Variants in VPS8 observed in about 807,000 individuals in gnomAD.
VPS8 encodes vacuolar protein sorting-associated protein 8 homolog.
VPS8 carries 129 observed loss-of-function variants against 216.4 expected under a neutral mutation model. The observed-to-expected ratio is 0.60, with a 90% confidence interval of 0.52 to 0.69. The LOEUF (loss-of-function observed/expected upper bound fraction) is 0.69. Among genes scored for constraint, VPS8 ranks in the 30% least tolerant of loss-of-function variants. VPS8 has a pLI of 0.00. For missense variants in VPS8, 1,531 were observed against 1,683.5 expected, an observed-to-expected ratio of 0.91 and a Z score of 1.59; for synonymous variants, 571 against 565.4, an observed-to-expected ratio of 1.01 and a Z score of -0.14.
At chr3:184,966,857 T>A (rs1747494537) in intron 39 of VPS8, 144 bp downstream of exon 39, 1 of 508,248 alleles carries the variant, frequency 2.0e-6, no homozygotes, top group East Asian at 3.3e-5. Context: ...TGGATCCAAA[T>A]TTTAGCTAAT....
At chr3:184,919,430 A>G (rs989165076) in intron 28 of VPS8, among the ~76,000 whole-genome samples, 10 of 152,118 alleles carry the variant, frequency 6.6e-5, no homozygotes, top group Admixed American at 6.6e-4. Flanking sequence ...CATAATCTCA[A>G]TTTCTTCATA....
At chr3:184,833,250 A>G (rs1720378105) in intron 4 of VPS8, among the ~76,000 whole-genome samples, 1 of 152,130 alleles carries the variant, frequency 6.6e-6, no homozygotes, top group South Asian at 2.1e-4. Flanking sequence ...AAAATTCAGG[A>G]AAAGGACTTC....
At chr3:184,876,358 T>G (rs909880221) in intron 21 of VPS8, among the ~76,000 whole-genome samples, 21 of 152,198 alleles carry the variant, frequency 1.4e-4, no homozygotes, top group Non-Finnish European at 1.8e-4. Context: ...AAATGCTTTT[T>G]TTTTTTTAAT....
chr3:185,010,156 GA>G (rs1450774098), intron 45 of VPS8, among the ~76,000 whole-genome samples: 2 of 151,966 alleles, frequency 1.3e-5, no homozygotes, highest in East Asian at 1.9e-4. Flanking sequence ...CAGTAGTGGG[GA>G]AAAAAATTAA....
chr3:184,972,015 G>A (rs1748500390), intron 40 of VPS8, among the ~76,000 whole-genome samples: 2 of 151,660 alleles, frequency 1.3e-5, no homozygotes, highest in Admixed American at 1.3e-4. Flanking sequence ...GGCGGAGGTT[G>A]CGTTGAGCTG....
At chr3:184,938,641 C>CTTTTTTTTTTTTTT (rs1298836777) in intron 35 of VPS8, among the ~76,000 whole-genome samples, 2 of 138,130 alleles carry the variant, frequency 1.4e-5, no homozygotes, top group African/African-American at 3.1e-5. Context: ...CTTTTCTTTT[C>CTTTTTTTTTTTTTT]TTTTTTTCTT....
intron 3 of VPS8, among the ~76,000 whole-genome samples, chr3:184,828,352 TG>T: frequency 6.6e-6 from 1 of 152,328 alleles, no homozygotes; most frequent in Non-Finnish European, 1.5e-5. Context: ...TTGGCCAGGC[TG>T]GTCTCAAACT....
At chr3:185,024,307 G>T (rs374046404) in intron 45 of VPS8, 29 bp from the exon 46 acceptor site, 3 of 1,561,486 alleles carry the variant, frequency 1.9e-6, no homozygotes, top group South Asian at 1.2e-5. Context: ...AACTGAAAGG[G>T]TATTAAAATG....
intron 21 of VPS8, among the ~76,000 whole-genome samples, chr3:184,882,855 T>C (rs1473017722): frequency 6.6e-6 from 1 of 152,150 alleles, no homozygotes; most frequent in Non-Finnish European, 1.5e-5. Context: ...AGAATTTTCA[T>C]AGTATTCCCT....
rs1270137839 is a variant in VPS8, at chr3:184,882,202, G to C, written c.1735-3908G>C. The C allele has an allele frequency of 1.2e-5, 4 of 339,934 alleles. No individual in the cohort carries two copies. The Admixed American group carries it at 1.6e-4, about 14-fold the overall frequency. 21.1% of individuals were successfully genotyped at this position (339,934 alleles called of 1,614,324 possible). ...TTCACTATGAAGTATAATATTAGCTGTAGATTTTTTGTAGTTACTTCTTAT... is the reference window on the plus strand; with the variant it reads ...TTCACTATGAAGTATAATATTAGCTCTAGATTTTTTGTAGTTACTTCTTAT... On this transcript the variant is annotated intron_variant, in intron 21 of 47. Transcript: ENST00000625842.
chr3:184,958,649 A>G (rs1032184991), intron 37 of VPS8, among the ~76,000 whole-genome samples: 2 of 152,212 alleles, frequency 1.3e-5, no homozygotes, highest in South Asian at 4.1e-4. Flanking sequence ...CTTCAGGAAA[A>G]GCAGTTTTAA....
Position 184,936,254 on chromosome 3 carries a change from G to A in VPS8, c.2907G>A (p.Val969=), listed in dbSNP as rs117320195. Residue 969 remains valine (V), a synonymous_variant, in exon 35 of 48, where the codon GTG becomes GTA. Coordinates refer to ENST00000625842, the MANE Select transcript of VPS8 (RefSeq NM_001009921.3). ...TTTTCCTTTAACTCCAGGAACTCGT[G>A]TCCCTGAAGCCTTGTAAAGCTGCGG... ...QKAMDHIEEL[V]SLKPCKAAEL... is the part of the protein sequence containing the mutation. The A allele has an allele frequency of 4.2e-4, 676 of 1,608,068 alleles. 9 individuals are homozygous for A. The East Asian group carries it at 0.015, about 35-fold the overall frequency.
chr3:184,937,554 G>A (rs181305403), intron 35 of VPS8, among the ~76,000 whole-genome samples: 3 of 152,276 alleles, frequency 2.0e-5, no homozygotes, highest in East Asian at 3.9e-4. Flanking sequence ...GTCCAGTGTT[G>A]AAAGAGCTAC....
intron 46 of VPS8, among the ~76,000 whole-genome samples, chr3:185,040,951 C>T (rs1031855500): frequency 6.6e-6 from 1 of 152,070 alleles, no homozygotes; most frequent in African/African-American, 2.4e-5. Flanking sequence ...GCCTGTAATC[C>T]CAGCACTTTG....
At chr3:184,835,588 A>T (rs77066891) in intron 5 of VPS8, among the ~76,000 whole-genome samples, 54 of 152,132 alleles carry the variant, frequency 3.5e-4, no homozygotes, top group Admixed American at 2.0e-4. Context: ...CAGATTCTGT[A>T]TATAATGATA....
chr3:185,006,612 A>G (rs1754284581), intron 45 of VPS8, among the ~76,000 whole-genome samples: 1 of 152,212 alleles, frequency 6.6e-6, no homozygotes, highest in Admixed American at 6.5e-5. Context: ...GATCGTTTCT[A>G]TTAAATTTTG....
Position 184,995,583 on chromosome 3 carries a change from A to G in VPS8, c.3667-749A>G, listed in dbSNP as rs1752508510. On this transcript the variant is annotated intron_variant, in intron 43 of 47. Coordinates refer to ENST00000625842, the MANE Select transcript of VPS8 (RefSeq NM_001009921.3). ...AAGCTGTATAACAAGGAGGGCAGGC[A>G]GTACCTAGCTCTATCTTCCCCTTCG... Among the ~76,000 whole-genome samples the G allele has an allele frequency of 2.0e-5, 3 of 152,358 alleles. No individual in the cohort carries two copies. In the South Asian group the frequency reaches 6.2e-4, roughly 32 times the overall value.
rs932158414 is a variant in VPS8 at position 184,871,099 on chromosome 3, C to T, written c.1734+294C>T. ...ACTGATACCTTATAGTGGCTGACAT[C>T]CTGCTCGTCTAATATTTATGTTAAC... On this transcript the variant is annotated intron_variant, in intron 21 of 47. Coordinates refer to ENST00000625842, the MANE Select transcript of VPS8 (RefSeq NM_001009921.3). Among the ~76,000 whole-genome samples, 6 of 152,066 alleles carry T rather than the reference C, an allele frequency of 3.9e-5. No individual in the cohort carries two copies. In the South Asian group the frequency reaches 8.3e-4, roughly 21 times the overall value.
At chr3:184,932,530 A>G (rs370078918) in intron 34 of VPS8, among the ~76,000 whole-genome samples, 3 of 152,206 alleles carry the variant, frequency 2.0e-5, no homozygotes, top group African/African-American at 7.2e-5. Flanking sequence ...AACAAGAAAT[A>G]TGATATTTCC....
Sources: allele counts gnomAD v4.1 joint callset (sites outside exome capture counted in the v4.1 genomes callset), GRCh38; gene constraint gnomAD v4.1.1; transcripts MANE v1.5; gene names NCBI Gene and HGNC (gene_info 2026-07-23, HGNC 2026-07-21).